The following NOC3L variants were observed in gnomAD, a reference collection of about 807,000 sequenced individuals.
NOC3L encodes the protein nucleolar complex protein 3 homolog.
NOC3L carries 85 observed loss-of-function variants against 102.5 expected under a neutral mutation model. That is an observed-to-expected ratio of 0.83 (90% CI 0.70 to 0.99). The LOEUF (loss-of-function observed/expected upper bound fraction) is 0.99, where lower values mean the gene tolerates loss of function less well. Among genes scored for constraint, NOC3L ranks in the 50% least tolerant of loss-of-function variants. The pLI is 0.00. For synonymous variants in NOC3L, 303 were observed against 309.4 expected, an observed-to-expected ratio of 0.98 and a Z score of 0.22; for missense variants, 878 against 914.9, an observed-to-expected ratio of 0.96 and a Z score of 0.52.
intron 17 of NOC3L, among the ~76,000 whole-genome samples, 172 bp from the exon 18 acceptor site, chr10:94,338,908 A>C (rs2054251404): frequency 6.6e-6 from 1 of 152,248 alleles, no homozygotes; most frequent in Admixed American, 6.5e-5. Context: ...AGTAAGAACA[A>C]GAGTTGCAAA....
chr10:94,324,387 C>T, the NOC3L span: 4 of 1,614,152 alleles, frequency 2.5e-6, no homozygotes, highest in Non-Finnish European at 8.5e-7. Context: ...GCATCCTGAG[C>T]AACCCCAATC....
At chr10:94,362,197 T>C (rs1326194407) in intron 1 of NOC3L, among the ~76,000 whole-genome samples, 5 of 152,220 alleles carry the variant, frequency 3.3e-5, no homozygotes, top group Non-Finnish European at 1.5e-5. Context: ...AGCAAAATGC[T>C]GGCTGTCTTT....
the NOC3L span, chr10:94,316,791 A>G: frequency 5.4e-6 from 8 of 1,476,350 alleles, no homozygotes; most frequent in South Asian, 7.9e-5. Context: ...CACAGTAACG[A>G]CTCATTATGT....
At chr10:94,341,597 T>C (rs1293209775) in intron 14 of NOC3L, 76 bp downstream of exon 14, 10 of 706,970 alleles carry the variant, frequency 1.4e-5, no homozygotes, top group Non-Finnish European at 2.0e-5. Flanking sequence ...ACAAAATATA[T>C]CTCAATAAAC....
the NOC3L span, among the ~76,000 whole-genome samples, chr10:94,324,053 T>C: frequency 6.6e-6 from 1 of 152,212 alleles, no homozygotes; most frequent in African/African-American, 2.4e-5. Flanking sequence ...TTGTTACTAT[T>C]ATAGCTGTAT....
In NOC3L at chr10:94,339,867, T is replaced by A. The variant is rs750090052; in HGVS notation, c.1834A>T (p.Thr612Ser). ...TGAGAAACTTGCTTTCTGCGCTTAG[T>A]TAGCATGACATCAAGGCACTGGAGT... is the stretch of plus-strand genomic sequence containing the variant. ...IVLQCLDVML[T>S]KRRKQVSQQR... The change falls in exon 17 of 21, where the codon ACT (threonine) becomes TCT (serine). Residue 612 changes from threonine to serine, a missense_variant. By Grantham distance (58) the Thr-to-Ser change is moderately conservative. Coordinates refer to ENST00000371361, the MANE Select transcript of NOC3L (RefSeq NM_022451.11). 2 of 1,614,220 alleles carry A rather than the reference T, an allele frequency of 1.2e-6. No homozygotes were observed. The highest frequency in any genetic ancestry group is 1.3e-5 in the African/African-American group (1 of 75,058).
intron 10 of NOC3L, among the ~76,000 whole-genome samples, chr10:94,347,088 G>A (rs1352562036): frequency 2.6e-5 from 4 of 152,120 alleles, no homozygotes; most frequent in South Asian, 2.1e-4. Flanking sequence ...AGCAAACTTC[G>A]CATACTCAAA....
At chr10:94,332,521 G>C (rs1010614618), downstream of NOC3L, 5 of 151,134 alleles carry the variant, frequency 3.3e-5, no homozygotes, top group Non-Finnish European at 1.5e-5. Flanking sequence ...GTGTGTGTGT[G>C]TGTGTGTGTG....
the NOC3L span, chr10:94,322,022 C>T: frequency 1.2e-6 from 2 of 1,614,118 alleles, no homozygotes; most frequent in South Asian, 1.1e-5. Flanking sequence ...GTCATCAAAG[C>T]ACCCCGCGTC....
chr10:94,331,807 AG>A (rs2054160164), downstream of NOC3L: 1 of 151,904 alleles, frequency 6.6e-6, no homozygotes, highest in Non-Finnish European at 1.5e-5. Flanking sequence ...ATTCTGACAT[AG>A]GAATACCTGA....
intron 18 of NOC3L, 122 bp from the exon 19 acceptor site, chr10:94,337,996 T>G (rs2054242649): frequency 1.9e-6 from 1 of 522,760 alleles, no homozygotes. Flanking sequence ...CTATGTACAG[T>G]ATATGTAATT....
At chr10:94,336,123 G>A (rs955880630) in intron 19 of NOC3L, among the ~76,000 whole-genome samples, 1 of 152,110 alleles carries the variant, frequency 6.6e-6, no homozygotes, top group South Asian at 2.1e-4. Flanking sequence ...TGCAACCTCT[G>A]GCATAAATGG....
Position 94,346,355 on chromosome 10 carries a change from G to T in NOC3L, c.1389+70C>A, listed in dbSNP as rs1292052797. ...TGATTTAACTATGATTTTTACATGT[G>T]CCTATAAGTTTAATCTAAGATCAAA... On this transcript the variant is annotated intron_variant, in intron 11 of 20. Coordinates refer to ENST00000371361, the MANE Select transcript of NOC3L (RefSeq NM_022451.11). The T allele has an allele frequency of 4.3e-6, 5 of 1,151,344 alleles. No homozygotes were observed. In the Admixed American group the frequency reaches 1.5e-4, roughly 35 times the overall value. The allele number at this position is 1,151,344 out of a possible 1,614,324, so 71.3% of individuals were successfully genotyped here.
chr10:94,337,775 A>G lies in NOC3L; in HGVS notation c.2189+2T>C, dbSNP rs760079829. The G allele has an allele frequency of 1.3e-6, 2 of 1,598,778 alleles. No individual in the cohort carries two copies. The highest frequency in any genetic ancestry group is 4.5e-5 in the East Asian group (2 of 44,800). ...TTAGAATAAGGCAATGCTAAATATT[A>G]CCTTCGACTCAACTCTGGTTTGAGT... is the stretch of plus-strand genomic sequence containing the variant. On this transcript the variant is annotated splice_donor_variant, in intron 19 of 20. Transcript: ENST00000371361. LOFTEE classifies it high-confidence loss of function.
the NOC3L span, chr10:94,316,614 T>C: frequency 4.4e-6 from 7 of 1,608,524 alleles, no homozygotes; most frequent in Non-Finnish European, 6.0e-6. Flanking sequence ...GAAAAATATT[T>C]TATATCTAAA....
At position 94,357,297 on chromosome 10, in the gene NOC3L, G is replaced by T. The variant is rs746293694; in HGVS notation, c.385C>A (p.Arg129Ser). 2 of 1,601,124 alleles carry T rather than the reference G, an allele frequency of 1.2e-6. No homozygotes were observed. Among genetic ancestry groups the T allele is most frequent in the Non-Finnish European group, 1.7e-6 (2 of 1,173,966 alleles). The change falls in exon 4 of 21, where the codon CGC (arginine) becomes AGC (serine). Residue 129 changes from arginine (R) to serine (S), a missense_variant. Arg to Ser is a moderately radical substitution (Grantham distance 110). Transcript: ENST00000371361. Reference protein sequence around the residue: ...PVHAKKRKHERIIDKYEKIPR... With the variant: ...PVHAKKRKHESIIDKYEKIPR... ...ATTTTTTCATATTTATCTATAATGCGTTCATGCTTCCGTTTCTTCGCATGA... is the reference window on the plus strand; with the variant it reads ...ATTTTTTCATATTTATCTATAATGCTTTCATGCTTCCGTTTCTTCGCATGA...
intron 5 of NOC3L, among the ~76,000 whole-genome samples, 156 bp from the exon 6 acceptor site, chr10:94,355,249 T>C (rs1409356334): frequency 1.3e-5 from 2 of 152,164 alleles, no homozygotes; most frequent in East Asian, 1.9e-4. Flanking sequence ...GGTACTATCA[T>C]TGGACCCATT....
chr10:94,351,738 G>A (rs551994066), intron 8 of NOC3L, among the ~76,000 whole-genome samples: 1 of 150,366 alleles, frequency 6.7e-6, no homozygotes, highest in East Asian at 2.0e-4. Flanking sequence ...ACATTCCCCA[G>A]GCTGGTCTCA....
intron 20 of NOC3L, 63 bp from the exon 21 acceptor site, chr10:94,334,368 G>A: frequency 9.6e-7 from 1 of 1,046,204 alleles, no homozygotes; most frequent in Non-Finnish European, 1.4e-6. Flanking sequence ...GCCAACCTGT[G>A]AACCAAGTTG....
Sources: gnomAD v4.1 joint callset for allele counts (sites outside exome capture counted in the v4.1 genomes callset) on GRCh38, gnomAD v4.1.1 for gene constraint, MANE v1.5 for transcripts, NCBI Gene and HGNC (gene_info 2026-07-23, HGNC 2026-07-21) for gene names.